The following TMEM117 variants were observed in gnomAD, a reference collection of about 807,000 sequenced individuals.
TMEM117 encodes the protein transmembrane protein 117.
In TMEM117, 27 loss-of-function variants were observed where a neutral mutation model predicts 52.4. That is an observed-to-expected ratio of 0.51 (90% CI 0.38 to 0.71). The LOEUF (loss-of-function observed/expected upper bound fraction) is 0.71, where lower values mean the gene tolerates loss of function less well. TMEM117 is among the 30% of genes least tolerant of loss of function. The pLI is 0.00. For synonymous variants in TMEM117, 215 were observed against 206.3 expected (o/e 1.04, Z -0.36); for missense variants, 556 against 630.5 (o/e 0.88, Z 1.26).
At chr12:44,072,561 A>T (rs887420317) in intron 3 of TMEM117, among the ~76,000 whole-genome samples, 1 of 152,194 alleles carries the variant, frequency 6.6e-6, no homozygotes, top group African/African-American at 2.4e-5. Flanking sequence ...ATAGGACCCT[A>T]TATGGGGCTC....
At chr12:43,844,980 T>C (rs1194141633) in intron 2 of TMEM117, 52 bp downstream of exon 2, 2 of 1,550,094 alleles carry the variant, frequency 1.3e-6, no homozygotes, top group Non-Finnish European at 1.7e-6. Context: ...TAATTTCTAT[T>C]CTCCAAGATA....
chr12:44,150,717 A>T (rs1160089667), intron 4 of TMEM117, among the ~76,000 whole-genome samples: 1 of 152,182 alleles, frequency 6.6e-6, no homozygotes, highest in Non-Finnish European at 1.5e-5. Flanking sequence ...CTTCAAAATA[A>T]TAAGTTCCAG....
intron 3 of TMEM117, among the ~76,000 whole-genome samples, chr12:44,051,625 A>G (rs1003378318): frequency 1.1e-4 from 17 of 152,238 alleles, no homozygotes; most frequent in African/African-American, 4.1e-4. Flanking sequence ...TGATCAAATT[A>G]TATGACAGTG....
chr12:43,870,184 G>C (rs1031400674), intron 2 of TMEM117, among the ~76,000 whole-genome samples: 1 of 151,752 alleles, frequency 6.6e-6, no homozygotes, highest in African/African-American at 2.4e-5. Context: ...GGACATTTAG[G>C]TTGATTCCAT....
intron 7 of TMEM117, among the ~76,000 whole-genome samples, chr12:44,383,700 C>T (rs1288384113): frequency 2.6e-5 from 4 of 152,164 alleles, no homozygotes; most frequent in South Asian, 2.1e-4. Flanking sequence ...TGGTTACTGT[C>T]GATTGTATAT....
chr12:44,103,332 G>A (rs746015786), intron 3 of TMEM117, among the ~76,000 whole-genome samples: 41 of 151,698 alleles, frequency 2.7e-4, no homozygotes, highest in Admixed American at 4.6e-4. Flanking sequence ...TGAAGTCTGA[G>A]GGAAGAGGAC....
intron 3 of TMEM117, among the ~76,000 whole-genome samples, chr12:43,966,363 A>T (rs1211963858): frequency 1.3e-5 from 2 of 152,260 alleles, no homozygotes; most frequent in African/African-American, 4.8e-5. Flanking sequence ...AACATTACCT[A>T]AAAATAGGAT....
At chr12:44,165,656 A>T (rs966508552) in intron 4 of TMEM117, among the ~76,000 whole-genome samples, 2 of 152,220 alleles carry the variant, frequency 1.3e-5, no homozygotes, top group Non-Finnish European at 2.9e-5. Context: ...TAAAGGGGTC[A>T]ATTGAGCAAG....
chr12:44,276,878 T>A (rs73274169), intron 5 of TMEM117, among the ~76,000 whole-genome samples: 2 of 151,242 alleles, frequency 1.3e-5, no homozygotes. Context: ...TCTTTTTAAA[T>A]ACATGAAAAG....
chr12:44,383,823 GTAAAC>G (rs1249071374), intron 7 of TMEM117, among the ~76,000 whole-genome samples: 2 of 151,904 alleles, frequency 1.3e-5, no homozygotes, highest in Non-Finnish European at 2.9e-5. Flanking sequence ...ATTTTTTATG[GTAAAC>G]ACTGTTTCTC....
intron 6 of TMEM117, among the ~76,000 whole-genome samples, chr12:44,368,650 G>T (rs1023071129): frequency 1.3e-5 from 2 of 152,128 alleles, no homozygotes; most frequent in Non-Finnish European, 2.9e-5. Flanking sequence ...ACAATTGAAT[G>T]TGACCATTCC....
chr12:44,135,103 A>G (rs998576618), intron 3 of TMEM117, among the ~76,000 whole-genome samples: 57 of 152,304 alleles, frequency 3.7e-4, no homozygotes, highest in African/African-American at 1.2e-3. Context: ...TGTGGTCTCC[A>G]ACAATCACTG....
chr12:44,277,426 C>A (rs1950527927), intron 5 of TMEM117, among the ~76,000 whole-genome samples: 1 of 152,038 alleles, frequency 6.6e-6, no homozygotes, highest in African/African-American at 2.4e-5. Flanking sequence ...AAAAAAAAGA[C>A]CCATTTATTA....
intron 6 of TMEM117, among the ~76,000 whole-genome samples, chr12:44,343,541 G>C (rs192358793): frequency 6.6e-6 from 1 of 152,206 alleles, no homozygotes; most frequent in East Asian, 1.9e-4. Context: ...AAAGTGAAAT[G>C]GTAGTTGCCA....
At chr12:44,136,496 G>A (rs1049739335) in intron 3 of TMEM117, among the ~76,000 whole-genome samples, 2 of 151,904 alleles carry the variant, frequency 1.3e-5, no homozygotes, top group African/African-American at 4.8e-5. Context: ...TTTATATTTT[G>A]ACTTTAAAAG....
At chr12:44,270,209 A>G (rs909840395) in intron 5 of TMEM117, among the ~76,000 whole-genome samples, 14 of 152,128 alleles carry the variant, frequency 9.2e-5, no homozygotes, top group African/African-American at 3.4e-4. Flanking sequence ...TAACTTTGTA[A>G]TGTTAAACAG....
intron 4 of TMEM117, among the ~76,000 whole-genome samples, chr12:44,160,328 AT>A (rs1948882546): frequency 6.6e-6 from 1 of 152,178 alleles, no homozygotes; most frequent in Non-Finnish European, 1.5e-5. Flanking sequence ...AAGTTAATAT[AT>A]ATCCATATTT....
chr12:44,356,317 G>A (rs769097700), intron 6 of TMEM117, among the ~76,000 whole-genome samples: 8 of 152,092 alleles, frequency 5.3e-5, no homozygotes, highest in Non-Finnish European at 1.0e-4. Flanking sequence ...GGAGCAAACC[G>A]TTAAGCTCTT....
intron 6 of TMEM117, among the ~76,000 whole-genome samples, chr12:44,311,813 GTATATATATGTATATA>G (rs1950986290): frequency 7.5e-5 from 7 of 93,288 alleles, no homozygotes; most frequent in African/African-American, 3.3e-4. Flanking sequence ...ATGTATATAT[GTATATATATGTATATA>G]TGTATATATG....
Sources: allele counts gnomAD v4.1 joint callset (sites outside exome capture counted in the v4.1 genomes callset), GRCh38; gene constraint gnomAD v4.1.1; transcripts MANE v1.5; gene names NCBI Gene and HGNC (gene_info 2026-07-23, HGNC 2026-07-21).